The following LOC102723971 variants were observed in gnomAD, a reference collection of about 807,000 sequenced individuals.
the LOC102723971 span, chr9:135,617,819 G>A: frequency 7.6e-6 from 3 of 395,512 alleles, no homozygotes; most frequent in Non-Finnish European, 1.3e-5. Context: ...CTGTGTCGTG[G>A]CAACTTAGTG....
At chr9:135,617,007 GT>G in the LOC102723971 span, 1 of 398,672 alleles carries the variant, frequency 2.5e-6, no homozygotes, top group East Asian at 3.6e-5. Context: ...CAACCTGTGG[GT>G]GCTGCTGGGT....
At chr9:135,618,349 G>A in the LOC102723971 span, among the ~76,000 whole-genome samples, 8 of 152,066 alleles carry the variant, frequency 5.3e-5, no homozygotes, top group Non-Finnish European at 8.8e-5. Flanking sequence ...TGAGCCAAGT[G>A]CCCAGCCAGC....
chr9:135,618,149 G>A, the LOC102723971 span: 13 of 395,918 alleles, frequency 3.3e-5, no homozygotes, highest in African/African-American at 1.0e-4. Context: ...TAGCCCATCC[G>A]CACTCCCCTT....
chr9:135,614,344 G>A, the LOC102723971 span: 7 of 398,468 alleles, frequency 1.8e-5, no homozygotes, highest in East Asian at 3.6e-5. Context: ...GCTTCAATGC[G>A]CAGAAGGTAC....
At chr9:135,619,308 G>A in the LOC102723971 span, among the ~76,000 whole-genome samples, 23 of 152,308 alleles carry the variant, frequency 1.5e-4, no homozygotes, top group Admixed American at 9.8e-4. Context: ...GCTCCTGCCC[G>A]CAGCGCCAGA....
the LOC102723971 span, among the ~76,000 whole-genome samples, chr9:135,614,922 C>A: frequency 4.9e-4 from 74 of 152,170 alleles, no homozygotes; most frequent in African/African-American, 1.6e-3. Context: ...GGCAGGGGTG[C>A]AGGGCTGAGG....
the LOC102723971 span, among the ~76,000 whole-genome samples, chr9:135,614,734 G>C: frequency 2.0e-5 from 3 of 152,098 alleles, no homozygotes; most frequent in Non-Finnish European, 4.4e-5. Flanking sequence ...GGTTCACCCT[G>C]GGTGACACGA....
At chr9:135,615,529 C>A in the LOC102723971 span, 1 of 398,752 alleles carries the variant, frequency 2.5e-6, no homozygotes. Flanking sequence ...CCCTCTCAGG[C>A]GCTCATTCTC....
the LOC102723971 span, among the ~76,000 whole-genome samples, chr9:135,619,664 C>G: frequency 6.6e-6 from 1 of 152,108 alleles, no homozygotes; most frequent in Non-Finnish European, 1.5e-5. Context: ...TGAGACCAGC[C>G]AACGCCCACT....
the LOC102723971 span, chr9:135,616,743 G>A: frequency 2.5e-5 from 10 of 398,486 alleles, no homozygotes; most frequent in Admixed American, 2.6e-4. Flanking sequence ...AGTCCCGGCC[G>A]CAACACTCAG....
the LOC102723971 span, among the ~76,000 whole-genome samples, chr9:135,615,926 G>A: frequency 2.0e-5 from 3 of 152,222 alleles, no homozygotes; most frequent in Non-Finnish European, 2.9e-5. Flanking sequence ...ATCGGCCCTG[G>A]GGACAAGCTA....
At chr9:135,615,236 AG>A in the LOC102723971 span, 2 of 394,646 alleles carry the variant, frequency 5.1e-6, no homozygotes, top group Non-Finnish European at 4.4e-6. Context: ...CTGCAGGTGG[AG>A]GGGGTGCCAC....
chr9:135,615,370 G>A, the LOC102723971 span: 1,021 of 398,744 alleles, frequency 2.6e-3, 6 homozygotes, highest in African/African-American at 0.019. Flanking sequence ...AGGTGGAGGG[G>A]CGCTGGCTCA....
At chr9:135,614,756 C>G in the LOC102723971 span, among the ~76,000 whole-genome samples, 10 of 152,074 alleles carry the variant, frequency 6.6e-5, no homozygotes, top group Admixed American at 6.5e-4. Flanking sequence ...GAGGCCAACC[C>G]TGGATACAGG....
At chr9:135,614,788 C>G in the LOC102723971 span, among the ~76,000 whole-genome samples, 1 of 152,082 alleles carries the variant, frequency 6.6e-6, no homozygotes, top group Non-Finnish European at 1.5e-5. Flanking sequence ...CTCCTCCTCC[C>G]TGTGTGGCCC....
the LOC102723971 span, among the ~76,000 whole-genome samples, chr9:135,617,370 C>T: frequency 7.2e-5 from 11 of 152,152 alleles, no homozygotes; most frequent in Admixed American, 6.5e-4. Context: ...TCTCGGGGTC[C>T]TGGGGGGCTC....
At chr9:135,616,738 C>T in the LOC102723971 span, 1,176 of 398,532 alleles carry the variant, frequency 3.0e-3, 6 homozygotes, top group African/African-American at 0.019. Context: ...TGTCCAGTCC[C>T]GGCCGCAACA....
At chr9:135,616,940 C>A in the LOC102723971 span, 1 of 398,596 alleles carries the variant, frequency 2.5e-6, no homozygotes, top group South Asian at 1.3e-4. Flanking sequence ...TATGCTTCGT[C>A]AGCACCGACT....
the LOC102723971 span, chr9:135,615,405 C>G: frequency 2.5e-6 from 1 of 398,862 alleles, no homozygotes; most frequent in Non-Finnish European, 4.4e-6. Context: ...GCCAACCACG[C>G]AGACCTGGTC....
Sources: allele counts gnomAD v4.1 joint callset (sites outside exome capture counted in the v4.1 genomes callset), GRCh38; gene constraint gnomAD v4.1.1; transcripts MANE v1.5.